Variants in ZRANB3 observed in about 807,000 individuals in gnomAD.
ZRANB3 encodes DNA annealing helicase and endonuclease ZRANB3.
Under a neutral mutation model 133.8 loss-of-function variants are expected in ZRANB3, and 125 were observed. That is an observed-to-expected ratio of 0.93 (90% CI 0.81 to 1.08). The LOEUF is 1.08. ZRANB3 is among the 50% of genes least tolerant of loss of function. The probability of loss-of-function intolerance (pLI) is 0.00; values close to 1 mark genes in which losing one functional copy is unlikely to be tolerated. For missense variants in ZRANB3, 1,229 were observed against 1,275.5 expected, an observed-to-expected ratio of 0.96 and a Z score of 0.56; for synonymous variants, 387 against 432.7, an observed-to-expected ratio of 0.89 and a Z score of 1.31.
In ZRANB3 at chr2:135,315,388, G is replaced by C. The variant is rs777564442; in HGVS notation, c.820C>G (p.Pro274Ala). Residue 274 changes from proline to alanine, a missense_variant, in exon 7 of 21, where the codon CCA (proline) becomes GCA (alanine). By Grantham distance (27) the Pro-to-Ala change is conservative. Coordinates refer to ENST00000264159, the MANE Select transcript of ZRANB3 (RefSeq NM_032143.4). ...QLPPKVRQRI[P>A]FDLPSAAAKE... ...GCAGCTGCTGATGGAAGATCAAATG[G>C]AATACGCTGTCTGACTTTAGGGGGT... The C allele has an allele frequency of 6.3e-7, 1 of 1,595,648 alleles. No individual in the cohort carries two copies. Among genetic ancestry groups the C allele is most frequent in the Non-Finnish European group, 8.5e-7 (1 of 1,173,216 alleles).
chr2:135,390,813 C>T lies in ZRANB3; in HGVS notation c.169G>A (p.Val57Met). The change falls in exon 3 of 21, where the codon GTG (valine) becomes ATG (methionine). Residue 57 changes from valine (V) to methionine (M), a missense_variant. By Grantham distance (21) the Val-to-Met change is conservative. Transcript: ENST00000264159. ...ATTGAAACACTTACTTCATCAGCCA[C>T]CATACACCTGGAAAAAAAAAAAAAA... ...FALKRNGRCM[V>M]ADEMGLGKTI... 1 of 1,513,202 alleles carries T rather than the reference C, an allele frequency of 6.6e-7. No individual in the cohort carries two copies. Among genetic ancestry groups the T allele is most frequent in the Non-Finnish European group, 8.8e-7 (1 of 1,137,002 alleles). The allele number at this position is 1,513,202 out of a possible 1,614,324, so 93.7% of individuals were successfully genotyped here.
At chr2:135,466,443 T>C (rs954399609) in intron 2 of ZRANB3, among the ~76,000 whole-genome samples, 1 of 134,582 alleles carries the variant, frequency 7.4e-6, no homozygotes, top group Non-Finnish European at 1.6e-5. Context: ...TAAACTATTA[T>C]AAGAGAAAAA....
intron 3 of ZRANB3, among the ~76,000 whole-genome samples, chr2:135,379,482 A>T (rs1477602539): frequency 6.6e-6 from 1 of 152,206 alleles, no homozygotes. Context: ...CTTGAGGTCA[A>T]ATATCAGGTC....
intron 2 of ZRANB3, among the ~76,000 whole-genome samples, chr2:135,500,484 T>G (rs1033149175): frequency 6.6e-6 from 1 of 152,018 alleles, no homozygotes; most frequent in African/African-American, 2.4e-5. Context: ...TAGATTGAAC[T>G]CACAATAATG....
rs530829343 is a variant in ZRANB3 at position 135,370,617 on chromosome 2, G to A, written c.181-16989C>T. 3.9e-5 allele frequency among the ~76,000 whole-genome samples: 6 copies of A among 152,234 alleles called. No individual in the cohort carries two copies. The South Asian group carries it at 1.2e-3, about 32-fold the overall frequency. On this transcript the variant is annotated intron_variant, in intron 3 of 20. Coordinates refer to ENST00000264159, the MANE Select transcript of ZRANB3 (RefSeq NM_032143.4). Reference sequence around the variant, plus strand: ...AATCAATGGATACAGGAAAAAAATGGCTTTAAAATGTTTCAGTACAAAGAG... The same window carrying A: ...AATCAATGGATACAGGAAAAAAATGACTTTAAAATGTTTCAGTACAAAGAG...
rs566394924 is a variant in ZRANB3, at chr2:135,448,645, G to A, written c.161+55684C>T. 5.9e-5 allele frequency among the ~76,000 whole-genome samples: 9 copies of A among 152,198 alleles called. No homozygotes were observed. The East Asian group carries it at 1.7e-3, about 29-fold the overall frequency. On this transcript the variant is annotated intron_variant, in intron 2 of 20. Coordinates refer to ENST00000264159, the MANE Select transcript of ZRANB3 (RefSeq NM_032143.4). ...GGAATTAATGTATTAGTCTCAAAAG[G>A]CAGACTTCATGCACTCTGATTAAAG... is the stretch of plus-strand genomic sequence containing the variant.
At chr2:135,314,115 C>T (rs1318943292) in intron 7 of ZRANB3, among the ~76,000 whole-genome samples, 2 of 152,152 alleles carry the variant, frequency 1.3e-5, no homozygotes, top group African/African-American at 2.4e-5. Context: ...CTGCCCACCT[C>T]GACCTCCCAA....
At chr2:135,401,485 T>A (rs1687728519) in intron 2 of ZRANB3, among the ~76,000 whole-genome samples, 1 of 152,204 alleles carries the variant, frequency 6.6e-6, no homozygotes, top group Non-Finnish European at 1.5e-5. Flanking sequence ...ACACACCCTG[T>A]CGGTGGGGGG....
intron 1 of ZRANB3, chr2:135,510,865 A>G (rs1693420934): frequency 1.7e-6 from 2 of 1,177,054 alleles, no homozygotes; most frequent in African/African-American, 1.5e-5. Flanking sequence ...TAATTTTGAA[A>G]GAAATCTTTA....
chr2:135,402,585 C>T (rs1019011170), intron 2 of ZRANB3, among the ~76,000 whole-genome samples: 4 of 151,036 alleles, frequency 2.6e-5, no homozygotes, highest in Non-Finnish European at 4.4e-5. Flanking sequence ...TTAGCCACTG[C>T]ACCCAGACTT....
chr2:135,527,222 C>T (rs1432847655), intron 1 of ZRANB3, among the ~76,000 whole-genome samples: 1 of 152,152 alleles, frequency 6.6e-6, no homozygotes, highest in East Asian at 1.9e-4. Context: ...GGCACCCACA[C>T]ATGGGGCCTC....
At chr2:135,421,688 T>C (rs193169361) in intron 2 of ZRANB3, among the ~76,000 whole-genome samples, 569 of 152,270 alleles carry the variant, frequency 3.7e-3, no homozygotes, top group Middle Eastern at 0.014. Flanking sequence ...CATTTTTCAC[T>C]ATCTACAATC....
At chr2:135,328,507 G>T (rs771450467) in intron 6 of ZRANB3, among the ~76,000 whole-genome samples, 8 of 152,104 alleles carry the variant, frequency 5.3e-5, no homozygotes, top group Non-Finnish European at 1.2e-4. Flanking sequence ...ATTGTGAATA[G>T]TGCCACAATA....
rs909800860 is a variant in ZRANB3, at chr2:135,258,487, G to T, written c.1539+7047C>A. 9.2e-5 allele frequency among the ~76,000 whole-genome samples: 14 copies of T among 152,280 alleles called. No homozygotes were observed. The East Asian group carries it at 2.3e-3, about 25-fold the overall frequency. On this transcript the variant is annotated intron_variant, in intron 12 of 20. Coordinates refer to ENST00000264159, the MANE Select transcript of ZRANB3 (RefSeq NM_032143.4). ...CTAGCAGGACTCTCACCTTTGCTGA[G>T]AGTCCCTGTTTCCCTTTTATTTCTT...
At chr2:135,275,090 C>T (rs55731805) in intron 9 of ZRANB3, among the ~76,000 whole-genome samples, 16,089 of 103,224 alleles carry the variant, frequency 0.16, 1,003 homozygotes, top group South Asian at 0.39. Context: ...CTTTTCTATT[C>T]GACAAAACCG....
rs563404397 is a variant in ZRANB3 at position 135,335,471 on chromosome 2, T to C, written c.677+10079A>G. ...ATTTTGGGAAGCTGAGGTGGGCAGA[T>C]GGCTTGAGGTCTGGAGTTCGACAAC... On this transcript the variant is annotated intron_variant, in intron 6 of 20. Coordinates refer to ENST00000264159, the MANE Select transcript of ZRANB3 (RefSeq NM_032143.4). 2.2e-4 allele frequency among the ~76,000 whole-genome samples: 33 copies of C among 152,194 alleles called. No individual in the cohort carries two copies. The South Asian group carries it at 5.8e-3, about 27-fold the overall frequency.
intron 12 of ZRANB3, among the ~76,000 whole-genome samples, chr2:135,260,109 C>G (rs905678661): frequency 1.3e-5 from 2 of 152,180 alleles, no homozygotes; most frequent in African/African-American, 2.4e-5. Context: ...TCAGAAACAG[C>G]CTTTCGTTGC....
chr2:135,323,110 GGTCTTGTAA>G, intron 6 of ZRANB3, among the ~76,000 whole-genome samples: 1 of 152,042 alleles, frequency 6.6e-6, no homozygotes, highest in South Asian at 2.1e-4. Flanking sequence ...GTGTTTTGCA[GGTCTTGTAA>G]GTTTAACTTT....
intron 2 of ZRANB3, among the ~76,000 whole-genome samples, chr2:135,413,093 T>C (rs1296979655): frequency 6.6e-6 from 1 of 152,186 alleles, no homozygotes; most frequent in African/African-American, 2.4e-5. Flanking sequence ...ATAACATATG[T>C]TGCAAATATA....
Sources: allele counts gnomAD v4.1 joint callset (sites outside exome capture counted in the v4.1 genomes callset), GRCh38; gene constraint gnomAD v4.1.1; transcripts MANE v1.5; gene names NCBI Gene and HGNC (gene_info 2026-07-23, HGNC 2026-07-21).